The following MICU2 variants were observed in gnomAD, a reference collection of about 807,000 sequenced individuals.
The protein encoded by MICU2 is mitochondrial calcium uptake 2, also known as calcium uptake protein 2, mitochondrial.
Under a neutral mutation model 60.4 loss-of-function variants are expected in MICU2, and 64 were observed. The ratio of observed to expected loss-of-function variants is 1.06; its 90% CI spans 0.87 to 1.31. The LOEUF (loss-of-function observed/expected upper bound fraction) is 1.31, where lower values mean the gene tolerates loss of function less well. Ranked by LOEUF, MICU2 falls within the 50% of genes most tolerant of loss-of-function variation. The pLI, the probability that MICU2 is intolerant of heterozygous loss-of-function variation, is 0.00. For missense variants in MICU2, 569 were observed against 531.0 expected (o/e 1.07, Z -0.70); for synonymous variants, 201 against 175.0 (o/e 1.15, Z -1.17).
intron 2 of MICU2, among the ~76,000 whole-genome samples, chr13:21,555,802 A>G (rs553386714): frequency 1.3e-5 from 2 of 152,318 alleles, no homozygotes; most frequent in Non-Finnish European, 2.9e-5. Context: ...AAAAAAAGAA[A>G]GAAAGGTAAT....
intron 1 of MICU2, among the ~76,000 whole-genome samples, chr13:21,575,392 CAA>C (rs1338768054): frequency 6.9e-6 from 1 of 144,278 alleles, no homozygotes; most frequent in East Asian, 2.0e-4. Flanking sequence ...CTGTTTGAAA[CAA>C]AAAGTTTAAA....
intron 1 of MICU2, among the ~76,000 whole-genome samples, chr13:21,577,533 C>T (rs1485247516): frequency 3.3e-5 from 5 of 152,002 alleles, no homozygotes; most frequent in African/African-American, 4.8e-5. Flanking sequence ...TGAGGCTGGG[C>T]GTGGTGGCTC....
intron 8 of MICU2, among the ~76,000 whole-genome samples, chr13:21,509,771 A>C (rs1476516330): frequency 1.3e-5 from 2 of 152,260 alleles, no homozygotes; most frequent in Non-Finnish European, 2.9e-5. Context: ...GAATTATTGT[A>C]TTCTATGAAA....
At chr13:21,527,815 ATGTTG>A (rs1486259553) in intron 4 of MICU2, among the ~76,000 whole-genome samples, 1 of 152,146 alleles carries the variant, frequency 6.6e-6, no homozygotes, top group African/African-American at 2.4e-5. Context: ...GACAACCAAT[ATGTTG>A]TCCTTGTAAA....
At chr13:21,579,420 G>C (rs564709604) in intron 1 of MICU2, among the ~76,000 whole-genome samples, 1 of 149,382 alleles carries the variant, frequency 6.7e-6, no homozygotes, top group Admixed American at 6.7e-5. Flanking sequence ...GGCTCACTGC[G>C]ACCTCTGCCT....
intron 1 of MICU2, among the ~76,000 whole-genome samples, chr13:21,581,272 C>A (rs1888342065): frequency 6.6e-6 from 1 of 152,128 alleles, no homozygotes; most frequent in Non-Finnish European, 1.5e-5. Context: ...CATGCACCAC[C>A]ACACCAGGCT....
chr13:21,525,331 TACAGGCGCCC>T (rs1162769366), intron 4 of MICU2, among the ~76,000 whole-genome samples: 1 of 151,608 alleles, frequency 6.6e-6, no homozygotes, highest in Non-Finnish European at 1.5e-5. Context: ...TAGCTGGGAC[TACAGGCGCCC>T]ACCACCACGC....
rs751240197 is a variant in MICU2, at chr13:21,603,999, G to C, written c.150C>G (p.Ala50=). Residue 50 remains alanine, a synonymous_variant, in exon 1 of 12, where the codon GCC becomes GCG. Coordinates refer to ENST00000382374, the MANE Select transcript of MICU2 (RefSeq NM_152726.3). Reference sequence around the variant, plus strand: ...CAACACTGACGCGGCTGTGGTGCCAGGCCGCTCCTGCTCCTGCCAGGGCCG... The same window carrying C: ...CAACACTGACGCGGCTGTGGTGCCACGCCGCTCCTGCTCCTGCCAGGGCCG... ...AGAALAGAGA[A]WHHSRVSVAA... The C allele has an allele frequency of 1.9e-6, 3 of 1,611,458 alleles. No individual in the cohort carries two copies. Among genetic ancestry groups the C allele is most frequent in the Non-Finnish European group, 2.5e-6 (3 of 1,179,486 alleles).
chr13:21,505,716 C>T (rs1886276019), intron 8 of MICU2, among the ~76,000 whole-genome samples: 1 of 152,110 alleles, frequency 6.6e-6, no homozygotes, highest in African/African-American at 2.4e-5. Flanking sequence ...ATTCAATGCA[C>T]CCACCACCTA....
intron 2 of MICU2, among the ~76,000 whole-genome samples, chr13:21,542,276 G>T (rs1480663996): frequency 6.6e-6 from 1 of 152,204 alleles, no homozygotes; most frequent in Non-Finnish European, 1.5e-5. Context: ...TGCACAGCAG[G>T]AGCCATGACC....
At position 21,522,659 on chromosome 13, in the gene MICU2, G is replaced by C. The variant is rs779756413; in HGVS notation, c.467-9C>G. The C allele has an allele frequency of 6.3e-7, 1 of 1,588,406 alleles. No homozygotes were observed. The highest frequency in any genetic ancestry group is 2.3e-5 in the East Asian group (1 of 44,334). On this transcript the variant is annotated splice_polypyrimidine_tract_variant and intron_variant, in intron 4 of 11. Coordinates refer to ENST00000382374, the MANE Select transcript of MICU2 (RefSeq NM_152726.3). Reference sequence around the variant, plus strand: ...GGTATATGAAATTAGCCCTGAAAGAGATAAAAACATACCAGAAAATAAGCT... The same window carrying C: ...GGTATATGAAATTAGCCCTGAAAGACATAAAAACATACCAGAAAATAAGCT...
rs532632994 is a variant in MICU2, at chr13:21,510,159, T to C, written c.664-58A>G. On this transcript the variant is annotated intron_variant, in intron 7 of 11. Transcript: ENST00000382374. Reference sequence around the variant, plus strand: ...TATAAATAAGAATAAAAATAGAATCTGTAGAGTAGAAATCTTAGAATAATA... The same window carrying C: ...TATAAATAAGAATAAAAATAGAATCCGTAGAGTAGAAATCTTAGAATAATA... 144 of 877,690 alleles carry C rather than the reference T, an allele frequency of 1.6e-4. No individual in the cohort carries two copies. The African/African-American group carries it at 2.3e-3, about 14-fold the overall frequency. 54.4% of individuals were successfully genotyped at this position (877,690 alleles called of 1,614,324 possible). A position where few individuals can be genotyped will look rare whatever the true frequency, so the allele number is the denominator to read the frequency against.
intron 4 of MICU2, among the ~76,000 whole-genome samples, chr13:21,537,101 T>G (rs183204179): frequency 3.5e-4 from 54 of 152,314 alleles, no homozygotes; most frequent in Middle Eastern, 3.4e-3. Context: ...AAAAGGGGAT[T>G]TTTTTCCCTC....
At chr13:21,542,075 C>T (rs1887296438) in intron 2 of MICU2, among the ~76,000 whole-genome samples, 1 of 151,870 alleles carries the variant, frequency 6.6e-6, no homozygotes, top group African/African-American at 2.4e-5. Flanking sequence ...GGAATGAACA[C>T]CCGTTCTCTC....
intron 7 of MICU2, 86 bp from the exon 8 acceptor site, chr13:21,510,187 C>T (rs1052204119): frequency 1.6e-6 from 1 of 636,140 alleles, no homozygotes; most frequent in East Asian, 3.9e-5. Flanking sequence ...GAATAATATC[C>T]AGAAAGGATT....
At position 21,495,337 on chromosome 13, in the gene MICU2, A is replaced by G; in HGVS notation, c.1043-19T>C. ...AACTCCGCTAAAAAACAAACATAAA[A>G]CAACTTATCAACTATGTGAAATAGT... On this transcript the variant is annotated intron_variant, in intron 10 of 11. Coordinates refer to ENST00000382374, the MANE Select transcript of MICU2 (RefSeq NM_152726.3). 2 of 1,567,932 alleles carry G rather than the reference A, an allele frequency of 1.3e-6. No individual in the cohort carries two copies. Among genetic ancestry groups the G allele is most frequent in the South Asian group, 1.2e-5 (1 of 83,352 alleles).
intron 1 of MICU2, among the ~76,000 whole-genome samples, chr13:21,570,464 T>A (rs1566164666): frequency 6.6e-6 from 1 of 152,204 alleles, no homozygotes; most frequent in Non-Finnish European, 1.5e-5. Context: ...ATAATTCTGA[T>A]CAAATCCCAG....
chr13:21,597,831 T>A (rs1008746057), intron 1 of MICU2, among the ~76,000 whole-genome samples: 1 of 147,668 alleles, frequency 6.8e-6, no homozygotes, highest in Non-Finnish European at 1.5e-5. Context: ...CTTGGGAGGC[T>A]GAGGCAGGAG....
chr13:21,585,364 A>C (rs906077597), intron 1 of MICU2, among the ~76,000 whole-genome samples: 2 of 152,204 alleles, frequency 1.3e-5, no homozygotes, highest in Non-Finnish European at 2.9e-5. Context: ...CTGGGATTAC[A>C]ATGTTTCATG....
Sources: gnomAD v4.1 joint callset for allele counts (sites outside exome capture counted in the v4.1 genomes callset) on GRCh38, gnomAD v4.1.1 for gene constraint, MANE v1.5 for transcripts, NCBI Gene and HGNC (gene_info 2026-07-23, HGNC 2026-07-21) for gene names.